CALN1: variants seen among roughly 807,000 people sequenced by gnomAD.
The protein encoded by CALN1 is calcium-binding protein 8.
CALN1 carries 17 observed loss-of-function variants against 30.6 expected under a neutral mutation model. That is an observed-to-expected ratio of 0.56 (90% CI 0.38 to 0.83). The LOEUF is 0.83. CALN1 is among the 40% of genes least tolerant of loss of function. The pLI is 0.00. For synonymous variants in CALN1, 156 were observed against 131.4 expected (o/e 1.19, Z -1.28); for missense variants, 291 against 354.9 (o/e 0.82, Z 1.45).
At position 71,784,779 on chromosome 7, in the gene CALN1, C is replaced by G. The variant is rs1328195638; in HGVS notation, c.*2996G>C. On this transcript the variant is annotated 3_prime_UTR_variant, in exon 7 of 7. Coordinates refer to ENST00000395275, the MANE Select transcript of CALN1 (RefSeq NM_031468.4). The stretch of plus-strand genomic sequence containing the variant: ...GAATGAGGGGTGAGCTATTCCCTCT[C>G]AATTCCTGCGGAAGTCACTTCCAGC... The G allele has an allele frequency of 1.5e-5, 6 of 398,514 alleles. No individual in the cohort carries two copies. Among genetic ancestry groups the G allele is most frequent in the Non-Finnish European group, 2.7e-5 (6 of 226,106 alleles). The allele number at this position is 398,514 out of a possible 1,614,324, so 24.7% of individuals were successfully genotyped here. A position where few individuals can be genotyped will look rare whatever the true frequency, so the allele number is the denominator to read the frequency against.
At chr7:72,343,090 G>C (rs1802458151) in intron 2 of CALN1, among the ~76,000 whole-genome samples, 1 of 152,150 alleles carries the variant, frequency 6.6e-6, no homozygotes, top group Non-Finnish European at 1.5e-5. Context: ...ACTGGCTTTG[G>C]GATTGAGCAA....
the CALN1 span, among the ~76,000 whole-genome samples, chr7:72,497,762 T>C: frequency 6.6e-6 from 1 of 151,676 alleles, no homozygotes; most frequent in Admixed American, 6.6e-5. Context: ...TATTATACAA[T>C]AAAAAAATTA....
rs71069057 is a variant in CALN1 at position 72,318,704 on chromosome 7, C to CTTT, written c.120-39897_120-39895dup. Among the ~76,000 whole-genome samples the CTTT allele has an allele frequency of 8.9e-3, 642 of 72,018 alleles. 70 individuals carry two copies. The highest frequency in any genetic ancestry group is 0.022 in the East Asian group (38 of 1,708). The allele number at this position is 72,018 out of a possible 152,430, so 47.2% of individuals were successfully genotyped here. A position where few individuals can be genotyped will look rare whatever the true frequency, so the allele number is the denominator to read the frequency against. On this transcript the variant is annotated intron_variant, in intron 2 of 6. Transcript: ENST00000395275. ...CACAGGCATGCACCACCATGTGTAG[C>CTTT]TTTTTTTTTTTTTTTTTTTTTTTTT...
chr7:72,268,018 A>T (rs1338200932), intron 3 of CALN1, among the ~76,000 whole-genome samples: 1 of 152,180 alleles, frequency 6.6e-6, no homozygotes, highest in Non-Finnish European at 1.5e-5. Flanking sequence ...AAAATTTTTT[A>T]AATAAATAAA....
intron 5 of CALN1, among the ~76,000 whole-genome samples, chr7:71,821,788 C>CTTT (rs775510268): frequency 2.1e-5 from 2 of 95,816 alleles, no homozygotes; most frequent in Admixed American, 1.1e-4. Context: ...ATGTTTCTTT[C>CTTT]TTTTTTTTTT....
chr7:72,265,703 G>A (rs17582236), intron 3 of CALN1, among the ~76,000 whole-genome samples: 2,424 of 152,190 alleles, frequency 0.016, 34 homozygotes, highest in African/African-American at 0.032. Context: ...TCAAAGTCAT[G>A]CTTTAAGATG....
chr7:72,118,439 A>C (rs984282858), intron 3 of CALN1, among the ~76,000 whole-genome samples: 8 of 152,234 alleles, frequency 5.3e-5, no homozygotes, highest in African/African-American at 1.9e-4. Flanking sequence ...GAATGGCACA[A>C]GATAGTCAGA....
At chr7:72,407,536 T>C (rs1562954630) in intron 1 of CALN1, among the ~76,000 whole-genome samples, 4 of 152,162 alleles carry the variant, frequency 2.6e-5, no homozygotes, top group African/African-American at 7.2e-5. Context: ...CCTCCTCTCT[T>C]CTCCTCCTGC....
chr7:72,346,363 T>TA (rs1214675865), intron 2 of CALN1, among the ~76,000 whole-genome samples: 2 of 152,136 alleles, frequency 1.3e-5, no homozygotes, highest in African/African-American at 2.4e-5. Flanking sequence ...AAGTGATTTT[T>TA]AAAAAAATAT....
chr7:71,830,033 C>CTT (rs67629864), intron 5 of CALN1, among the ~76,000 whole-genome samples: 10,758 of 136,614 alleles, frequency 0.079, 1,325 homozygotes, highest in African/African-American at 0.27. Context: ...GAGTAAGTTC[C>CTT]TTTTTTTTTT....
intron 3 of CALN1, among the ~76,000 whole-genome samples, chr7:72,194,821 A>C (rs994999512): frequency 1.3e-5 from 2 of 151,374 alleles, no homozygotes; most frequent in South Asian, 2.1e-4. Flanking sequence ...CAATCTCTTG[A>C]CCTCATGATC....
rs951101040 is a variant in CALN1, at chr7:71,815,583, T to C, written c.502-5091A>G. On this transcript the variant is annotated intron_variant, in intron 5 of 6. Coordinates refer to ENST00000395275, the MANE Select transcript of CALN1 (RefSeq NM_031468.4). ...GAAATAAATGCTTGCTGCTAACTGC[T>C]AAGACTCTGTGGTTTCTGCAGTGTA... is the stretch of plus-strand genomic sequence containing the variant. Among the ~76,000 whole-genome samples, 6 of 152,198 alleles carry C rather than the reference T, an allele frequency of 3.9e-5. No individual in the cohort carries two copies. In the South Asian group the frequency reaches 1.2e-3, roughly 31 times the overall value.
At chr7:72,024,189 T>C (rs1800899878) in intron 4 of CALN1, among the ~76,000 whole-genome samples, 1 of 152,174 alleles carries the variant, frequency 6.6e-6, no homozygotes, top group African/African-American at 2.4e-5. Flanking sequence ...CTTAAGTATC[T>C]GTGGTTGCTG....
At chr7:71,827,775 AAAATAAATAAATAAAT>A (rs10646245) in intron 5 of CALN1, among the ~76,000 whole-genome samples, 2 of 140,340 alleles carry the variant, frequency 1.4e-5, no homozygotes, top group African/African-American at 2.7e-5. Context: ...CCATCTTAAA[AAAATAAATAAATAAAT>A]AAATAAATAA....
chr7:71,973,210 C>A (rs1324163136), intron 5 of CALN1, among the ~76,000 whole-genome samples: 1 of 151,882 alleles, frequency 6.6e-6, no homozygotes, highest in Non-Finnish European at 1.5e-5. Flanking sequence ...AGTTCTCACT[C>A]TGTTGCCCTG....
At chr7:71,815,209 A>T (rs1227225909) in intron 5 of CALN1, among the ~76,000 whole-genome samples, 1 of 152,106 alleles carries the variant, frequency 6.6e-6, no homozygotes, top group Non-Finnish European at 1.5e-5. Context: ...GTTTTTGGGG[A>T]TTCAAAAATT....
At chr7:71,967,303 A>G (rs1186700794) in intron 5 of CALN1, among the ~76,000 whole-genome samples, 2 of 152,098 alleles carry the variant, frequency 1.3e-5, no homozygotes, top group Admixed American at 6.6e-5. Flanking sequence ...CACGAGATAT[A>G]ATATGGCAGA....
At chr7:72,211,297 GCA>G (rs1186049703) in intron 3 of CALN1, among the ~76,000 whole-genome samples, 1 of 152,034 alleles carries the variant, frequency 6.6e-6, no homozygotes, top group Non-Finnish European at 1.5e-5. Flanking sequence ...TTACTCTGTT[GCA>G]CACACCACTG....
intron 2 of CALN1, among the ~76,000 whole-genome samples, chr7:72,311,435 C>G (rs979124373): frequency 6.6e-6 from 1 of 151,956 alleles, no homozygotes; most frequent in Admixed American, 6.6e-5. Context: ...GGGTCAACAC[C>G]CCAACCTTGC....
Sources: gnomAD v4.1 joint callset for allele counts (sites outside exome capture counted in the v4.1 genomes callset) on GRCh38, gnomAD v4.1.1 for gene constraint, MANE v1.5 for transcripts, NCBI Gene and HGNC (gene_info 2026-07-23, HGNC 2026-07-21) for gene names.